XKR9: variants seen among roughly 807,000 people sequenced by gnomAD.
XKR9 encodes XK related 9, also known as XK-related protein 9.
A neutral mutation model predicts 32.0 loss-of-function variants in XKR9; 32 were observed. The ratio of observed to expected loss-of-function variants is 1.00; its 90% CI spans 0.76 to 1.34. The LOEUF (loss-of-function observed/expected upper bound fraction) is 1.34. Ranked by LOEUF, XKR9 falls within the 40% of genes most tolerant of loss-of-function variation. XKR9 has a pLI of 0.00. For missense variants in XKR9, 546 were observed against 429.7 expected, an observed-to-expected ratio of 1.27 and a Z score of -2.39; for synonymous variants, 168 against 143.4, an observed-to-expected ratio of 1.17 and a Z score of -1.22.
intron 4 of XKR9, among the ~76,000 whole-genome samples, chr8:70,717,856 C>T (rs1479460047): frequency 6.6e-6 from 1 of 152,140 alleles, no homozygotes; most frequent in African/African-American, 2.4e-5. Context: ...GCTCTGTCAC[C>T]TCTTGAATGC....
At chr8:70,993,240 A>G in the XKR9 span, among the ~76,000 whole-genome samples, 2 of 152,354 alleles carry the variant, frequency 1.3e-5, no homozygotes, top group East Asian at 3.9e-4. Flanking sequence ...AGCTGATCAC[A>G]GATAATCAAA....
rs949415242 is a variant in XKR9, at chr8:70,735,447, T to C, written c.*1023T>C. ...ACTTTGTTTATTTATTTATTTTTAA[T>C]TTTTTAATTTTATATTATTATTATT... On this transcript the variant is annotated 3_prime_UTR_variant, in exon 5 of 5. Coordinates refer to ENST00000408926, the MANE Select transcript of XKR9 (RefSeq NM_001011720.2). The C allele has an allele frequency of 1.2e-4, 18 of 150,778 alleles. No individual in the cohort carries two copies. The highest frequency in any genetic ancestry group is 2.7e-4 in the Non-Finnish European group (18 of 67,734). The allele number at this position is 150,778 out of a possible 1,614,324, so 9.3% of individuals were successfully genotyped here.
intron 2 of XKR9, among the ~76,000 whole-genome samples, chr8:70,762,454 C>T (rs1489279184): frequency 6.6e-6 from 1 of 152,164 alleles, no homozygotes; most frequent in South Asian, 2.1e-4. Flanking sequence ...TAAGCCACAG[C>T]ATTAGATTCT....
intron 4 of XKR9, among the ~76,000 whole-genome samples, chr8:70,711,009 A>G (rs1357678827): frequency 1.3e-5 from 2 of 152,244 alleles, no homozygotes; most frequent in South Asian, 4.1e-4. Flanking sequence ...ATACCTGCAG[A>G]CAAGCATATG....
At chr8:70,705,028 A>G (rs1255151670) in intron 3 of XKR9, among the ~76,000 whole-genome samples, 1 of 152,166 alleles carries the variant, frequency 6.6e-6, no homozygotes, top group Non-Finnish European at 1.5e-5. Context: ...CAGAACTGTG[A>G]TGGTAAAAAT....
chr8:70,681,358 C>A, intron 3 of XKR9, 28 bp downstream of exon 3: 1 of 1,577,226 alleles, frequency 6.3e-7, no homozygotes. Flanking sequence ...ATCATTACCA[C>A]TGTTTTTCTT....
intron 3 of XKR9, among the ~76,000 whole-genome samples, chr8:70,699,628 T>C (rs888463984): frequency 6.6e-6 from 1 of 152,214 alleles, no homozygotes; most frequent in Non-Finnish European, 1.5e-5. Context: ...TTTACCTTCA[T>C]TTCAACTTTG....
intron 3 of XKR9, among the ~76,000 whole-genome samples, chr8:70,697,633 G>A (rs2132150142): frequency 1.3e-5 from 2 of 149,512 alleles, no homozygotes; most frequent in East Asian, 1.9e-4. Flanking sequence ...AAGGATATTG[G>A]TCTAAAATTC....
chr8:70,845,866 G>A, the XKR9 span, among the ~76,000 whole-genome samples: 1 of 151,976 alleles, frequency 6.6e-6, no homozygotes, highest in East Asian at 1.9e-4. Flanking sequence ...GAGACCAAAG[G>A]CATAGAAAAT....
the XKR9 span, among the ~76,000 whole-genome samples, chr8:70,824,917 T>C: frequency 6.6e-6 from 1 of 152,004 alleles, no homozygotes; most frequent in Non-Finnish European, 1.5e-5. Context: ...AGTAGTAGTA[T>C]TAATAAAGAA....
At chr8:70,785,650 A>C (rs1212046565) in intron 2 of XKR9, among the ~76,000 whole-genome samples, 1 of 149,790 alleles carries the variant, frequency 6.7e-6, no homozygotes, top group Non-Finnish European at 1.5e-5. Context: ...TTATTAGTAT[A>C]AATTTTCCTC....
At chr8:70,838,717 G>T in the XKR9 span, among the ~76,000 whole-genome samples, 1 of 152,178 alleles carries the variant, frequency 6.6e-6, no homozygotes, top group East Asian at 1.9e-4. Flanking sequence ...ACTTAATTTA[G>T]TCAAGGTCAC....
the XKR9 span, among the ~76,000 whole-genome samples, chr8:70,801,868 C>G: frequency 6.6e-6 from 1 of 151,830 alleles, no homozygotes; most frequent in Non-Finnish European, 1.5e-5. Context: ...TATATATGTA[C>G]AATAGTCAGA....
chr8:70,725,998 T>G (rs1021340148), intron 4 of XKR9, among the ~76,000 whole-genome samples: 1 of 152,196 alleles, frequency 6.6e-6, no homozygotes, highest in African/African-American at 2.4e-5. Flanking sequence ...ACATTTTCTT[T>G]CTACCCAGAT....
chr8:70,930,060 A>G, the XKR9 span, among the ~76,000 whole-genome samples: 2 of 152,168 alleles, frequency 1.3e-5, no homozygotes, highest in Non-Finnish European at 2.9e-5. Context: ...CCCAATCCCA[A>G]GTAAAATATG....
chr8:71,008,772 A>G, the XKR9 span, among the ~76,000 whole-genome samples: 1 of 151,988 alleles, frequency 6.6e-6, no homozygotes, highest in Non-Finnish European at 1.5e-5. Flanking sequence ...CACTACACCA[A>G]GTACTTCCTC....
the XKR9 span, among the ~76,000 whole-genome samples, chr8:71,051,608 T>C: frequency 6.6e-6 from 1 of 152,130 alleles, no homozygotes; most frequent in South Asian, 2.1e-4. Context: ...TTATTGTTTC[T>C]AGAATGGATC....
chr8:70,856,164 T>G, the XKR9 span, among the ~76,000 whole-genome samples: 1 of 152,140 alleles, frequency 6.6e-6, no homozygotes, highest in Non-Finnish European at 1.5e-5. Flanking sequence ...AATGCTCCAA[T>G]TAAAAGACAC....
the XKR9 span, among the ~76,000 whole-genome samples, chr8:70,871,588 C>G: frequency 6.6e-6 from 1 of 152,282 alleles, no homozygotes; most frequent in Non-Finnish European, 1.5e-5. Context: ...AGAAAGCAAA[C>G]TTAATAGATA....
Sources: gnomAD v4.1 joint callset for allele counts (sites outside exome capture counted in the v4.1 genomes callset) on GRCh38, gnomAD v4.1.1 for gene constraint, MANE v1.5 for transcripts, NCBI Gene and HGNC (gene_info 2026-07-23, HGNC 2026-07-21) for gene names.